The following SEMA3D variants were observed in gnomAD, a reference collection of about 807,000 sequenced individuals.
The protein encoded by SEMA3D is semaphorin 3D.
SEMA3D carries 84 observed loss-of-function variants against 100.1 expected under a neutral mutation model. That is an observed-to-expected ratio of 0.84 (90% CI 0.70 to 1.01). The LOEUF is 1.01. Ranked by LOEUF, SEMA3D falls within the 50% of genes least tolerant of loss-of-function variation. The pLI, the probability that SEMA3D is intolerant of heterozygous loss-of-function variation, is 0.00. For synonymous variants in SEMA3D, 312 were observed against 320.7 expected, an observed-to-expected ratio of 0.97 and a Z score of 0.29; for missense variants, 875 against 934.1, an observed-to-expected ratio of 0.94 and a Z score of 0.82.
intron 17 of SEMA3D, among the ~76,000 whole-genome samples, chr7:85,009,253 T>A (rs1789885533): frequency 6.6e-6 from 1 of 151,756 alleles, no homozygotes; most frequent in Admixed American, 6.6e-5. Context: ...ATATAGCTTG[T>A]CATTAAAGTG....
intron 12 of SEMA3D, chr7:85,028,069 C>A: frequency 1.7e-6 from 1 of 604,718 alleles, no homozygotes. Context: ...TTTGATGATG[C>A]CATTGTCCAG....
At chr7:85,039,771 C>A (rs1485208234) in intron 11 of SEMA3D, among the ~76,000 whole-genome samples, 1 of 152,014 alleles carries the variant, frequency 6.6e-6, no homozygotes, top group African/African-American at 2.4e-5. Flanking sequence ...GTCATAACAG[C>A]CACACCTGTC....
intron 2 of SEMA3D, among the ~76,000 whole-genome samples, chr7:85,126,547 C>T (rs551802432): frequency 4.9e-4 from 74 of 151,682 alleles, no homozygotes; most frequent in Non-Finnish European, 7.8e-4. Flanking sequence ...TGTTTTTTAC[C>T]CAATTCAGAA....
chr7:85,164,951 T>G (rs146282133), intron 1 of SEMA3D, among the ~76,000 whole-genome samples: 86 of 152,072 alleles, frequency 5.7e-4, no homozygotes, highest in Admixed American at 1.4e-3. Flanking sequence ...ATATAGAAGA[T>G]GTCATTTAGC....
the SEMA3D span, among the ~76,000 whole-genome samples, chr7:85,226,851 C>CT: frequency 2.0e-5 from 3 of 152,122 alleles, no homozygotes; most frequent in Non-Finnish European, 4.4e-5. Flanking sequence ...ATGCCACGTA[C>CT]TTCTTTATTG....
intron 2 of SEMA3D, chr7:85,140,419 T>C (rs1230613070): frequency 1.0e-6 from 1 of 983,576 alleles, no homozygotes; most frequent in African/African-American, 1.7e-5. Context: ...TTCTCATCTT[T>C]AAATGAAGGG....
At chr7:85,003,491 A>G (rs946622161) in intron 18 of SEMA3D, among the ~76,000 whole-genome samples, 7 of 152,090 alleles carry the variant, frequency 4.6e-5, no homozygotes, top group African/African-American at 1.7e-4. Flanking sequence ...GGAGTCTTTA[A>G]GCATAACAGG....
chr7:85,009,596 AC>A (rs1442521455), intron 17 of SEMA3D, among the ~76,000 whole-genome samples: 2 of 149,880 alleles, frequency 1.3e-5, no homozygotes, highest in Non-Finnish European at 3.0e-5. Flanking sequence ...AAAAAAAAAA[AC>A]AACTTTTCTG....
At chr7:85,206,499 A>G in the SEMA3D span, among the ~76,000 whole-genome samples, 29 of 152,236 alleles carry the variant, frequency 1.9e-4, no homozygotes, top group Non-Finnish European at 5.9e-5. Flanking sequence ...AATTATTTCG[A>G]AAACACTCCA....
At chr7:85,090,167 C>A (rs1451151696) in intron 4 of SEMA3D, among the ~76,000 whole-genome samples, 1 of 152,112 alleles carries the variant, frequency 6.6e-6, no homozygotes, top group African/African-American at 2.4e-5. Context: ...GCACCTGGCA[C>A]AGAATCTGGC....
intron 2 of SEMA3D, among the ~76,000 whole-genome samples, chr7:85,130,498 C>A (rs1001375182): frequency 6.6e-6 from 1 of 152,124 alleles, no homozygotes; most frequent in African/African-American, 2.4e-5. Context: ...TGCACATGCT[C>A]ATTGTTGGGG....
At chr7:85,178,964 A>G (rs1244132639) in intron 1 of SEMA3D, among the ~76,000 whole-genome samples, 4 of 152,196 alleles carry the variant, frequency 2.6e-5, no homozygotes, top group African/African-American at 4.8e-5. Context: ...AAGAGGGTGC[A>G]ACCTAAGTCT....
At chr7:85,230,106 T>C in the SEMA3D span, among the ~76,000 whole-genome samples, 2 of 152,206 alleles carry the variant, frequency 1.3e-5, no homozygotes, top group East Asian at 3.8e-4. Flanking sequence ...ATTATATCCA[T>C]ATTTCTACAT....
chr7:85,084,553 C>T (rs548943960), intron 4 of SEMA3D, among the ~76,000 whole-genome samples: 2 of 151,812 alleles, frequency 1.3e-5, no homozygotes, highest in Middle Eastern at 3.2e-3. Context: ...TTGATGCAGA[C>T]CTTGTGCCTA....
chr7:85,055,577 T>A (rs1184045015), intron 9 of SEMA3D, 140 bp downstream of exon 9: 1 of 188,510 alleles, frequency 5.3e-6, no homozygotes, highest in East Asian at 1.4e-4. Flanking sequence ...TAGGGTAGTA[T>A]GAATCATACC....
At chr7:85,248,294 A>G in the SEMA3D span, among the ~76,000 whole-genome samples, 1 of 152,150 alleles carries the variant, frequency 6.6e-6, no homozygotes, top group Non-Finnish European at 1.5e-5. Context: ...ACACTACCAG[A>G]ATGCCCAAAA....
chr7:85,108,524 T>C (rs1788996670), intron 3 of SEMA3D, among the ~76,000 whole-genome samples: 1 of 152,064 alleles, frequency 6.6e-6, no homozygotes, highest in Non-Finnish European at 1.5e-5. Context: ...GATGTTTTTG[T>C]TTAGAAGTCA....
Position 84,999,784 on chromosome 7 carries a change from A to T in SEMA3D, c.1990T>A (p.Tyr664Asn), listed in dbSNP as rs755509115. Residue 664 changes from tyrosine (Y) to asparagine (N), a missense_variant, in exon 19 of 19, where the codon TAC becomes AAC. By Grantham distance (143) the Tyr-to-Asn change is moderately radical. Transcript: ENST00000284136. ...AAAGTGTGCTCCTGGGCTTTGCAGT[A>T]ATACATCCCAGAATCCTTCTTCTGC... is the stretch of plus-strand genomic sequence containing the variant. Reference protein sequence around the residue: ...SLQKKDSGMYYCKAQEHTFIH... With the variant: ...SLQKKDSGMYNCKAQEHTFIH... 2 of 1,613,882 alleles carry T rather than the reference A, an allele frequency of 1.2e-6. No homozygotes were observed.
chr7:85,044,072 A>G (rs1285026381), intron 9 of SEMA3D, among the ~76,000 whole-genome samples: 1 of 151,974 alleles, frequency 6.6e-6, no homozygotes, highest in Admixed American at 6.6e-5. Context: ...ATATTTAAGT[A>G]TAAATTATAT....
Sources: allele counts gnomAD v4.1 joint callset (sites outside exome capture counted in the v4.1 genomes callset), GRCh38; gene constraint gnomAD v4.1.1; transcripts MANE v1.5; gene names NCBI Gene and HGNC (gene_info 2026-07-23, HGNC 2026-07-21).